TECTA: variants seen among roughly 807,000 people sequenced by gnomAD.
TECTA encodes the protein alpha-tectorin.
Under a neutral mutation model 216.8 loss-of-function variants are expected in TECTA, and 128 were observed. That is an observed-to-expected ratio of 0.59 (90% CI 0.51 to 0.68). The LOEUF is 0.68. Ranked by LOEUF, TECTA falls within the 30% of genes least tolerant of loss-of-function variation. The pLI is 0.00. For missense variants in TECTA, 2,551 were observed against 2,786.2 expected, an observed-to-expected ratio of 0.92 and a Z score of 1.90; for synonymous variants, 1,089 against 1,117.1, an observed-to-expected ratio of 0.97 and a Z score of 0.50.
intron 20 of TECTA, among the ~76,000 whole-genome samples, chr11:121,176,116 A>G (rs1297864919): frequency 2.6e-5 from 4 of 151,722 alleles, no homozygotes; most frequent in Non-Finnish European, 5.9e-5. Flanking sequence ...AATACAGCAC[A>G]CTGATGGGTC....
intron 23 of TECTA, 143 bp downstream of exon 23, chr11:121,190,023 A>T: frequency 1.4e-6 from 1 of 713,074 alleles, no homozygotes; most frequent in East Asian, 2.7e-5. Flanking sequence ...AAGATGGGGA[A>T]CATGCCCAAG....
chr11:121,124,988 G>C (rs1020599100), intron 7 of TECTA, among the ~76,000 whole-genome samples: 1 of 152,360 alleles, frequency 6.6e-6, no homozygotes, highest in South Asian at 2.1e-4. Context: ...TTGAAGAAAA[G>C]ATATGAAGCT....
intron 7 of TECTA, among the ~76,000 whole-genome samples, chr11:121,121,293 G>A (rs530734970): frequency 9.4e-4 from 143 of 152,268 alleles, no homozygotes; most frequent in Non-Finnish European, 1.4e-3. Flanking sequence ...TCCAAGACCT[G>A]TGCCTCCGTG....
chr11:121,139,335 T>C (rs1365383047), intron 11 of TECTA, among the ~76,000 whole-genome samples: 1 of 152,224 alleles, frequency 6.6e-6, no homozygotes, highest in African/African-American at 2.4e-5. Flanking sequence ...ACATACCTAA[T>C]TCATCTTTAT....
In TECTA at chr11:121,109,421, G is replaced by A; in HGVS notation, c.409G>A (p.Ala137Thr). Residue 137 changes from alanine (A) to threonine (T), a missense_variant, in exon 4 of 24, where the codon GCA becomes ACA. Transcript: ENST00000392793. The part of the protein sequence containing the change: ...KDIRKYFKDM[A>T]TFSATWVFIV... ...CATCAGGAAGTACTTCAAAGACATGGCAACCTTCTCTGCCACTTGGGTTTT... is the reference window on the plus strand; with the variant it reads ...CATCAGGAAGTACTTCAAAGACATGACAACCTTCTCTGCCACTTGGGTTTT... 1 of 1,614,170 alleles carries A rather than the reference G, an allele frequency of 6.2e-7. No homozygotes were observed.
intron 9 of TECTA, 127 bp downstream of exon 9, chr11:121,128,471 A>C: frequency 2.4e-6 from 2 of 832,032 alleles, no homozygotes; most frequent in Non-Finnish European, 3.7e-6. Context: ...GATGGCTCCA[A>C]ACGGGAGCGT....
At chr11:121,135,546 C>T (rs1480577627) in intron 10 of TECTA, among the ~76,000 whole-genome samples, 4 of 152,150 alleles carry the variant, frequency 2.6e-5, no homozygotes, top group African/African-American at 4.8e-5. Flanking sequence ...ACTCCAAAGC[C>T]GTGTGGTATT....
rs1305796964 is a variant in TECTA, at chr11:121,189,668, C to T, written c.6251-96C>T. 8 of 1,272,164 alleles carry T rather than the reference C, an allele frequency of 6.3e-6. No homozygotes were observed. In the Admixed American group the frequency reaches 6.8e-5, roughly 11 times the overall value. 78.8% of individuals were successfully genotyped at this position (1,272,164 alleles called of 1,614,324 possible). A position where few individuals can be genotyped will look rare whatever the true frequency, so the allele number is the denominator to read the frequency against. On this transcript the variant is annotated intron_variant, in intron 22 of 23. Coordinates refer to ENST00000392793, the MANE Select transcript of TECTA (RefSeq NM_005422.4). ...GGATTACAGGCGTGAGCCACCGCGC[C>T]CAGCCTGTCCTCCTCTCTTTTTAAA...
At chr11:121,146,267 C>A in intron 12 of TECTA, 151 bp downstream of exon 12, 3 of 915,006 alleles carry the variant, frequency 3.3e-6, no homozygotes, top group Non-Finnish European at 5.1e-6. Context: ...CTGAATGAAG[C>A]ATGACATGTA....
At chr11:121,189,576 G>A (rs1184379449) in intron 22 of TECTA, among the ~76,000 whole-genome samples, 188 bp from the exon 23 acceptor site, 1 of 152,072 alleles carries the variant, frequency 6.6e-6, no homozygotes, top group Non-Finnish European at 1.5e-5. Context: ...GGGTTTCACT[G>A]TGTTAGCCAG....
chr11:121,168,171 C>A lies in TECTA; in HGVS notation c.5704C>A (p.Leu1902Met). The change falls in exon 19 of 24, where the codon CTG becomes ATG. Residue 1902 changes from leucine (L) to methionine (M), a missense_variant. By Grantham distance (15) the Leu-to-Met change is conservative (BLOSUM62 2). Coordinates refer to ENST00000392793, the MANE Select transcript of TECTA (RefSeq NM_005422.4). ...TGTGGAATTTTCATGTGCTTATGAG[C>A]TGGATATCAAGATCTCCTTGGATTC... ...INVEFSCAYE[L>M]DIKISLDSVV... 6.2e-7 allele frequency: 1 copy of A among 1,614,228 alleles called. No homozygotes were observed. The highest frequency in any genetic ancestry group is 8.5e-7 in the Non-Finnish European group (1 of 1,180,036).
intron 11 of TECTA, 85 bp from the exon 12 acceptor site, chr11:121,145,470 G>T (rs1015596737): frequency 2.8e-6 from 4 of 1,444,982 alleles, no homozygotes; most frequent in Admixed American, 1.7e-5. Context: ...TCTGGGACTT[G>T]TCTTTCAAGA....
intron 6 of TECTA, among the ~76,000 whole-genome samples, chr11:121,114,294 A>T (rs1403950907): frequency 2.0e-5 from 3 of 152,214 alleles, no homozygotes; most frequent in Non-Finnish European, 2.9e-5. Context: ...GACTTTGGGT[A>T]TCTGTGAGTA....
chr11:121,157,177 GTGTGAT>G (rs1946950037), intron 13 of TECTA, among the ~76,000 whole-genome samples: 1 of 152,190 alleles, frequency 6.6e-6, no homozygotes, highest in Non-Finnish European at 1.5e-5. Flanking sequence ...CTTGTTAGAA[GTGTGAT>G]TCCTTGATGA....
chr11:121,106,398 G>C (rs7111483), intron 3 of TECTA, among the ~76,000 whole-genome samples: 1 of 152,150 alleles, frequency 6.6e-6, no homozygotes, highest in Non-Finnish European at 1.5e-5. Flanking sequence ...ACACAGTAGG[G>C]GGGTAATCAA....
chr11:121,129,965 G>A lies in TECTA; in HGVS notation c.2695G>A (p.Asp899Asn). ...CGDLLKACNN[D>N]SELLKFYRSR... ...GGACCTGCTGAAGGCCTGCAACAATGACTCGGAGCTGCTCAAGTTTTATCG... is the reference window on the plus strand; with the variant it reads ...GGACCTGCTGAAGGCCTGCAACAATAACTCGGAGCTGCTCAAGTTTTATCG... The change falls in exon 10 of 24, where the codon GAC (aspartate) becomes AAC (asparagine). Residue 899 changes from aspartate to asparagine, a missense_variant. Physicochemically the swap from Asp to Asn is conservative, Grantham distance 23. Around this residue, in one of 3 missense-constraint regions of TECTA, gnomAD observed 2,375 missense variants for 2,563.9 expected, o/e 0.93. Coordinates refer to ENST00000392793, the MANE Select transcript of TECTA (RefSeq NM_005422.4). 6.2e-7 allele frequency: 1 copy of A among 1,605,646 alleles called. No individual in the cohort carries two copies. Among genetic ancestry groups the A allele is most frequent in the Non-Finnish European group, 8.5e-7 (1 of 1,174,482 alleles).
intron 12 of TECTA, among the ~76,000 whole-genome samples, chr11:121,149,534 A>G (rs970382277): frequency 6.6e-6 from 1 of 152,212 alleles, no homozygotes; most frequent in Non-Finnish European, 1.5e-5. Context: ...TTTGATAACT[A>G]CTTGATGAGG....
At chr11:121,159,127 G>A (rs959054685) in intron 14 of TECTA, among the ~76,000 whole-genome samples, 2 of 152,218 alleles carry the variant, frequency 1.3e-5, no homozygotes, top group Non-Finnish European at 2.9e-5. Context: ...GGCCTTGAGT[G>A]TATCTTTAAT....
In TECTA at chr11:121,128,041, G is replaced by T; in HGVS notation, c.2064G>T (p.Lys688Asn). The part of the protein sequence containing the change: ...EEGGDVYCFN[K>N]TCGSGEVCAV... ...GCGGGGACGTCTACTGCTTCAACAAGACCTGCGGCAGCGGGGAGGTGTGCG... is the reference window on the plus strand; with the variant it reads ...GCGGGGACGTCTACTGCTTCAACAATACCTGCGGCAGCGGGGAGGTGTGCG... The change falls in exon 9 of 24, where the codon AAG (lysine) becomes AAT (asparagine). Residue 688 changes from lysine (K) to asparagine (N), a missense_variant. By Grantham distance (94) the Lys-to-Asn change is moderately conservative. Coordinates refer to ENST00000392793, the MANE Select transcript of TECTA (RefSeq NM_005422.4). The T allele has an allele frequency of 6.2e-7, 1 of 1,612,896 alleles. No homozygotes were observed. Among genetic ancestry groups the T allele is most frequent in the Non-Finnish European group, 8.5e-7 (1 of 1,179,486 alleles).
Sources: gnomAD v4.1 joint callset for allele counts (sites outside exome capture counted in the v4.1 genomes callset) on GRCh38, gnomAD v4.1.1 for gene constraint, gnomAD v4.1.1 regional missense constraint, MANE v1.5 for transcripts, NCBI Gene and HGNC (gene_info 2026-07-23, HGNC 2026-07-21) for gene names.